IFT25: variants seen among roughly 807,000 people sequenced by gnomAD.
The protein encoded by IFT25 is intraflagellar transport 25, also known as intraflagellar transport protein 25 homolog.
chr1:53,926,411 T>C, the IFT25 span, among the ~76,000 whole-genome samples: 1 of 152,204 alleles, frequency 6.6e-6, no homozygotes, highest in Non-Finnish European at 1.5e-5. Context: ...CTCAGCCTCC[T>C]AAAATGCTGG....
the IFT25 span, chr1:53,946,173 ATCCCCGGG>A: frequency 6.6e-6 from 1 of 150,980 alleles, no homozygotes. Context: ...GCTCAGCTCT[ATCCCCGGG>A]GCCCGCAGGA....
chr1:53,935,268 G>A, the IFT25 span, among the ~76,000 whole-genome samples: 1 of 152,188 alleles, frequency 6.6e-6, no homozygotes, highest in African/African-American at 2.4e-5. Context: ...AGACAAGATT[G>A]CGCCACTGCA....
chr1:53,936,186 G>A, the IFT25 span, among the ~76,000 whole-genome samples: 3 of 152,192 alleles, frequency 2.0e-5, no homozygotes, highest in African/African-American at 7.2e-5. Context: ...TACTCGGAAG[G>A]CTGAGGCAGA....
chr1:53,939,821 C>T, the IFT25 span: 1 of 585,260 alleles, frequency 1.7e-6, no homozygotes, highest in Non-Finnish European at 3.0e-6. Flanking sequence ...TAAATATACA[C>T]AACTCAATTA....
At chr1:53,930,778 C>T in the IFT25 span, among the ~76,000 whole-genome samples, 45 of 152,252 alleles carry the variant, frequency 3.0e-4, no homozygotes, top group African/African-American at 1.0e-3. Context: ...ACCTTTGTAA[C>T]CCTACAACTG....
At chr1:53,928,620 T>G in the IFT25 span, 3 of 538,416 alleles carry the variant, frequency 5.6e-6, no homozygotes, top group Middle Eastern at 4.9e-4. Flanking sequence ...AAATATAGTC[T>G]TGTGTAACTA....
the IFT25 span, among the ~76,000 whole-genome samples, chr1:53,921,351 C>T: frequency 6.6e-6 from 1 of 152,102 alleles, no homozygotes; most frequent in East Asian, 1.9e-4. Flanking sequence ...AAAATTAATG[C>T]ACTACGATCT....
chr1:53,919,338 T>C, the IFT25 span, among the ~76,000 whole-genome samples: 24 of 152,240 alleles, frequency 1.6e-4, no homozygotes, highest in African/African-American at 5.8e-4. Context: ...CCCTCTTTGC[T>C]ACTTTTCAGA....
At chr1:53,921,626 A>G in the IFT25 span, 2 of 1,328,064 alleles carry the variant, frequency 1.5e-6, no homozygotes, top group Admixed American at 1.7e-5. Context: ...TTGTTAAAAA[A>G]TCATGCAAGA....
chr1:53,926,259 C>T, the IFT25 span, among the ~76,000 whole-genome samples: 1 of 152,078 alleles, frequency 6.6e-6, no homozygotes, highest in African/African-American at 2.4e-5. Flanking sequence ...GATCCTCCTT[C>T]CTCAGCCTCC....
chr1:53,928,542 T>C, the IFT25 span: 1 of 770,170 alleles, frequency 1.3e-6, no homozygotes, highest in South Asian at 1.6e-5. Context: ...ACAGTGGAAC[T>C]ACACAGAGCA....
the IFT25 span, among the ~76,000 whole-genome samples, chr1:53,922,964 T>C: frequency 1.3e-5 from 2 of 152,336 alleles, no homozygotes; most frequent in African/African-American, 2.4e-5. Context: ...TTTTCTATAA[T>C]GCTGTAACCC....
chr1:53,921,893 G>C, the IFT25 span: 1 of 633,230 alleles, frequency 1.6e-6, no homozygotes, highest in Middle Eastern at 3.8e-4. Context: ...CATAAGGCCA[G>C]CTACATATAA....
chr1:53,928,576 G>T, the IFT25 span: 4 of 609,914 alleles, frequency 6.6e-6, no homozygotes, highest in African/African-American at 1.9e-5. Context: ...CAACATGGAA[G>T]TTACTCTGTA....
the IFT25 span, among the ~76,000 whole-genome samples, chr1:53,924,932 AAAGAG>A: frequency 6.6e-6 from 1 of 152,346 alleles, no homozygotes; most frequent in East Asian, 1.9e-4. Flanking sequence ...CGTAGTATTA[AAAGAG>A]AAGTCTCTGT....
the IFT25 span, among the ~76,000 whole-genome samples, chr1:53,925,752 G>C: frequency 6.6e-6 from 1 of 151,468 alleles, no homozygotes; most frequent in Non-Finnish European, 1.5e-5. Context: ...CCATAAGCTA[G>C]ATTTTATAAT....
At chr1:53,941,438 A>G in the IFT25 span, among the ~76,000 whole-genome samples, 1 of 152,240 alleles carries the variant, frequency 6.6e-6, no homozygotes, top group Non-Finnish European at 1.5e-5. Context: ...TTTGTTTATT[A>G]GCATAAAGTT....
chr1:53,935,538 C>T, the IFT25 span, among the ~76,000 whole-genome samples: 1 of 151,884 alleles, frequency 6.6e-6, no homozygotes, highest in African/African-American at 2.4e-5. Flanking sequence ...CTGGAAGCCA[C>T]TGAATTGTAT....
chr1:53,911,685 C>G, the IFT25 span, among the ~76,000 whole-genome samples: 1 of 152,152 alleles, frequency 6.6e-6, no homozygotes, highest in Non-Finnish European at 1.5e-5. Flanking sequence ...ACTTGCATAA[C>G]TTCTCAGAAC....
Sources: gnomAD v4.1 joint callset for allele counts (sites outside exome capture counted in the v4.1 genomes callset) on GRCh38, gnomAD v4.1.1 for gene constraint, MANE v1.5 for transcripts, NCBI Gene and HGNC (gene_info 2026-07-23, HGNC 2026-07-21) for gene names.